The following NOS2 variants were observed in gnomAD, a reference collection of about 807,000 sequenced individuals.
The protein encoded by NOS2 is nitric oxide synthase, inducible.
A neutral mutation model predicts 136.0 loss-of-function variants in NOS2; 96 were observed. That is an observed-to-expected ratio of 0.71 (90% confidence interval 0.60 to 0.84). The LOEUF (loss-of-function observed/expected upper bound fraction) is 0.84. Among genes scored for constraint, NOS2 ranks in the 40% least tolerant of loss-of-function variants. The pLI is 0.00. For synonymous variants in NOS2, 539 were observed against 587.5 expected, an observed-to-expected ratio of 0.92 and a Z score of 1.20; for missense variants, 1,237 against 1,496.9, an observed-to-expected ratio of 0.83 and a Z score of 2.87.
intron 14 of NOS2, among the ~76,000 whole-genome samples, chr17:27,771,788 A>G: frequency 6.6e-6 from 1 of 152,208 alleles, no homozygotes; most frequent in African/African-American, 2.4e-5. Context: ...TGTATGCTGG[A>G]GAGCTCCCCA....
At chr17:27,783,712 A>C (rs1908924067) in intron 5 of NOS2, among the ~76,000 whole-genome samples, 1 of 152,194 alleles carries the variant, frequency 6.6e-6, no homozygotes, top group Non-Finnish European at 1.5e-5. Flanking sequence ...CAAGGATCTC[A>C]AGGCTCTAGG....
rs752107921 is a variant in NOS2, at chr17:27,760,162, G to T, written c.3027C>A (p.Arg1009=). 1 of 1,584,130 alleles carries T rather than the reference G, an allele frequency of 6.3e-7. No individual in the cohort carries two copies. The highest frequency in any genetic ancestry group is 8.6e-7 in the Non-Finnish European group (1 of 1,166,632). ...GGCGGCACCCAAACACCAAGGTCAT[G>T]CGGCCTCCCCGCACTCCTGCAGGAG... ...DSQHKGVRGG[R]MTLVFGCRRP... is the part of the protein sequence containing the mutation. Residue 1009 remains arginine (R), a synonymous_variant, in exon 25 of 27, where the codon CGC becomes CGA. Coordinates refer to ENST00000313735, the MANE Select transcript of NOS2 (RefSeq NM_000625.4).
At chr17:27,773,498 T>A (rs1908566064) in intron 12 of NOS2, among the ~76,000 whole-genome samples, 2 of 152,238 alleles carry the variant, frequency 1.3e-5, no homozygotes, top group African/African-American at 4.8e-5. Flanking sequence ...ATTAGTGTCC[T>A]CCTGGAAGGA....
intron 22 of NOS2, among the ~76,000 whole-genome samples, chr17:27,761,758 C>T (rs547175741): frequency 2.7e-4 from 41 of 152,226 alleles, no homozygotes; most frequent in African/African-American, 6.5e-4. Context: ...CCTCAGTGGG[C>T]CCTCCTGGGC....
intron 18 of NOS2, 112 bp downstream of exon 18, chr17:27,767,593 G>A (rs1788432071): frequency 1.6e-6 from 2 of 1,273,964 alleles, no homozygotes; most frequent in Admixed American, 2.5e-5. Flanking sequence ...TGAGAGGGAG[G>A]CCCCGAGGCC....
At chr17:27,782,603 A>G (rs1399027341) in intron 6 of NOS2, among the ~76,000 whole-genome samples, 1 of 152,252 alleles carries the variant, frequency 6.6e-6, no homozygotes, top group African/African-American at 2.4e-5. Context: ...TCTTGGAGCC[A>G]AGAATTCAAG....
chr17:27,789,957 A>G (rs930222013), intron 2 of NOS2, among the ~76,000 whole-genome samples: 3 of 152,162 alleles, frequency 2.0e-5, no homozygotes, highest in Admixed American at 2.0e-4. Flanking sequence ...GATCTGGAAA[A>G]TGCTCCTTCA....
rs1909440030 is a variant in NOS2 at position 27,798,835 on chromosome 17, C to T, written c.-26G>A. 7.4e-7 allele frequency: 1 copy of T among 1,356,754 alleles called. No individual in the cohort carries two copies. The highest frequency in any genetic ancestry group is 1.1e-6 in the Non-Finnish European group (1 of 945,078). 84.0% of individuals were successfully genotyped at this position (1,356,754 alleles called of 1,614,324 possible). On this transcript the variant is annotated 5_prime_UTR_variant, in exon 2 of 27. It adds an upstream start codon to the 5' untranslated region. Coordinates refer to ENST00000313735, the MANE Select transcript of NOS2 (RefSeq NM_000625.4). ...CTCTATGGCTTTACAAAGCAGGTCA[C>T]TTATGTCACTTATCTGGATTTGAGC...
chr17:27,787,614 G>T, intron 5 of NOS2, 64 bp downstream of exon 5: 1 of 1,219,220 alleles, frequency 8.2e-7, no homozygotes, highest in Non-Finnish European at 1.2e-6. Flanking sequence ...AGAGGGTGAT[G>T]GGTAGAGACA....
chr17:27,769,786 T>C (rs1908431186), intron 15 of NOS2, among the ~76,000 whole-genome samples: 1 of 152,212 alleles, frequency 6.6e-6, no homozygotes, highest in Admixed American at 6.5e-5. Context: ...AACTAAACTG[T>C]AGCAACTTGT....
intron 17 of NOS2, among the ~76,000 whole-genome samples, 199 bp downstream of exon 17, chr17:27,768,778 G>A (rs1179822041): frequency 6.6e-6 from 1 of 152,232 alleles, no homozygotes; most frequent in Non-Finnish European, 1.5e-5. Flanking sequence ...GTGTGCACAA[G>A]GTGGAGCTCT....
intron 9 of NOS2, among the ~76,000 whole-genome samples, chr17:27,779,287 CCTTATT>C (rs1257443013): frequency 2.1e-4 from 16 of 77,422 alleles, no homozygotes; most frequent in African/African-American, 7.7e-4. Context: ...TAATTTTTTT[CCTTATT>C]ATTATTATTA....
intron 25 of NOS2, 151 bp downstream of exon 25, chr17:27,759,879 C>T (rs759458645): frequency 2.3e-4 from 155 of 685,066 alleles, no homozygotes; most frequent in Non-Finnish European, 3.3e-4. Flanking sequence ...GGGTGTAATG[C>T]TCTTCACAGC....
At chr17:27,766,205 T>C (rs1253687521) in intron 19 of NOS2, among the ~76,000 whole-genome samples, 1 of 152,188 alleles carries the variant, frequency 6.6e-6, no homozygotes, top group African/African-American at 2.4e-5. Context: ...TTCTTAAGAA[T>C]GAATCAAACA....
chr17:27,791,769 G>GA lies in NOS2; in HGVS notation c.111-2082dup, dbSNP rs869055216. On this transcript the variant is annotated intron_variant, in intron 2 of 26. Transcript: ENST00000313735. ...TGGTCTAGACTGGTGTGGCCTGCCA[G>GA]AAAAAAACAAAACAAAACAAAACAA... 4.1e-4 allele frequency among the ~76,000 whole-genome samples: 45 copies of GA among 110,996 alleles called. 1 individual carries two copies. Among genetic ancestry groups the GA allele is most frequent in the African/African-American group, 1.4e-3 (38 of 26,250 alleles). 72.8% of individuals were successfully genotyped at this position (110,996 alleles called of 152,430 possible).
intron 20 of NOS2, among the ~76,000 whole-genome samples, chr17:27,764,944 A>C (rs1597545000): frequency 6.6e-6 from 1 of 152,196 alleles, no homozygotes; most frequent in Admixed American, 6.5e-5. Context: ...TCTCCTGGAC[A>C]GTGGGGGTCA....
At chr17:27,772,164 T>G (rs1285412005) in intron 14 of NOS2, 144 bp downstream of exon 14, 1 of 899,046 alleles carries the variant, frequency 1.1e-6, no homozygotes, top group Non-Finnish European at 1.7e-6. Context: ...TGCACACAAG[T>G]CTTTCCTTCT....
At position 27,759,447 on chromosome 17, in the gene NOS2, TCTGCA is replaced by T. The variant is rs755041431; in HGVS notation, c.3160-377_3160-373del. On this transcript the variant is annotated intron_variant, in intron 25 of 26. Coordinates refer to ENST00000313735, the MANE Select transcript of NOS2 (RefSeq NM_000625.4). ...CTCAATGCAGTCTACCCATTAGGTCTCTGCAGGGTATGGATCCCGGGCTCCCCAGA... is the reference window on the plus strand; with the variant it reads ...CTCAATGCAGTCTACCCATTAGGTCTGGGTATGGATCCCGGGCTCCCCAGA... Among the ~76,000 whole-genome samples the T allele has an allele frequency of 4.6e-5, 7 of 152,180 alleles. No homozygotes were observed. In the East Asian group the frequency reaches 1.4e-3, roughly 30 times the overall value.
At position 27,780,914 on chromosome 17, in the gene NOS2, A is replaced by G. The variant is rs201736125; in HGVS notation, c.865-8T>C. The G allele has an allele frequency of 8.1e-6, 13 of 1,610,342 alleles. No homozygotes were observed. Among genetic ancestry groups the G allele is most frequent in the Non-Finnish European group, 1.0e-5 (12 of 1,178,126 alleles). On this transcript the variant is annotated splice_polypyrimidine_tract_variant and splice_region_variant and intron_variant, in intron 8 of 26. Transcript: ENST00000313735. ...GCCCAGGTCGATGCACAGCTGGGGA[A>G]CAAGACGGGCCCTGTGAGTCTGTAA...
Sources: gnomAD v4.1 joint callset for allele counts (sites outside exome capture counted in the v4.1 genomes callset) on GRCh38, gnomAD v4.1.1 for gene constraint, MANE v1.5 for transcripts, NCBI Gene and HGNC (gene_info 2026-07-23, HGNC 2026-07-21) for gene names.